PDE7B: variants seen among roughly 807,000 people sequenced by gnomAD.
The protein encoded by PDE7B is phosphodiesterase 7B.
Under a neutral mutation model 56.2 loss-of-function variants are expected in PDE7B, and 29 were observed. That is an observed-to-expected ratio of 0.52 (90% CI 0.38 to 0.70). The LOEUF (loss-of-function observed/expected upper bound fraction) is 0.70, where lower values mean the gene tolerates loss of function less well. Ranked by LOEUF, PDE7B falls within the 30% of genes least tolerant of loss-of-function variation. PDE7B has a pLI of 0.00. For synonymous variants in PDE7B, 197 were observed against 196.9 expected (o/e 1.00, Z 0.00); for missense variants, 490 against 565.0 (o/e 0.87, Z 1.35).
intron 1 of PDE7B, among the ~76,000 whole-genome samples, chr6:135,905,009 G>A (rs1377998189): frequency 3.9e-5 from 6 of 152,236 alleles, no homozygotes; most frequent in Non-Finnish European, 8.8e-5. Flanking sequence ...AAAGGCTCAT[G>A]TTTGGTTGGT....
At chr6:136,143,189 T>G (rs1227107329) in intron 3 of PDE7B, among the ~76,000 whole-genome samples, 1 of 152,056 alleles carries the variant, frequency 6.6e-6, no homozygotes, top group Non-Finnish European at 1.5e-5. Context: ...GTAAAGTATT[T>G]AATTACTGGG....
intron 1 of PDE7B, among the ~76,000 whole-genome samples, chr6:135,903,697 A>G (rs1776046112): frequency 6.6e-6 from 1 of 152,260 alleles, no homozygotes; most frequent in East Asian, 1.9e-4. Context: ...GAATTAAAAT[A>G]GCATCAAAAC....
intron 1 of PDE7B, among the ~76,000 whole-genome samples, chr6:135,896,929 T>G (rs569942667): frequency 2.0e-5 from 3 of 152,246 alleles, no homozygotes; most frequent in African/African-American, 4.8e-5. Context: ...TTATTTATGC[T>G]CTTTCCTCTG....
chr6:135,893,017 C>G (rs2027518), intron 1 of PDE7B, among the ~76,000 whole-genome samples: 70,641 of 151,838 alleles, frequency 0.47, 16,940 homozygotes, highest in East Asian at 0.7. Flanking sequence ...TTTTCTTGTT[C>G]TGTCTTCTTT....
intron 8 of PDE7B, among the ~76,000 whole-genome samples, chr6:136,172,587 C>T (rs1436284390): frequency 2.0e-5 from 3 of 152,026 alleles, no homozygotes; most frequent in Non-Finnish European, 2.9e-5. Context: ...TGTAGGTTGC[C>T]TGTTCACTCT....
At chr6:136,148,170 T>A in intron 4 of PDE7B, among the ~76,000 whole-genome samples, 1 of 152,052 alleles carries the variant, frequency 6.6e-6, no homozygotes, top group South Asian at 2.1e-4. Context: ...CTAAGTGATA[T>A]TATACTATTT....
rs1775838637 is a variant in PDE7B at position 136,008,972 on chromosome 6, A to T, written c.82+61448A>T. Among the ~76,000 whole-genome samples, 3 of 152,094 alleles carry T rather than the reference A, an allele frequency of 2.0e-5. No individual in the cohort carries two copies. The East Asian group carries it at 5.8e-4, about 29-fold the overall frequency. ...CTAGGGTTTTTATGGTTTTAGGTCT[A>T]ACATTTAAGTCTTTAATCCATCTTG... On this transcript the variant is annotated intron_variant, in intron 2 of 12. Coordinates refer to ENST00000308191, the MANE Select transcript of PDE7B (RefSeq NM_018945.4).
intron 2 of PDE7B, among the ~76,000 whole-genome samples, chr6:136,001,991 C>G (rs1249297913): frequency 2.0e-5 from 3 of 152,196 alleles, no homozygotes; most frequent in Non-Finnish European, 2.9e-5. Flanking sequence ...ATCAGACTAA[C>G]AGCGGATCTC....
intron 2 of PDE7B, among the ~76,000 whole-genome samples, chr6:136,056,593 G>A (rs985289178): frequency 2.1e-4 from 27 of 130,420 alleles, no homozygotes; most frequent in East Asian, 9.3e-4. Context: ...GTGCAATGGC[G>A]TGATCTTGGC....
intron 9 of PDE7B, among the ~76,000 whole-genome samples, chr6:136,176,497 T>G (rs1034736171): frequency 1.3e-5 from 2 of 152,146 alleles, no homozygotes; most frequent in Non-Finnish European, 2.9e-5. Flanking sequence ...AATTGCACAA[T>G]ATGAATGTAC....
chr6:136,108,600 C>T (rs1685265578), intron 2 of PDE7B, 131 bp from the exon 3 acceptor site: 1 of 699,188 alleles, frequency 1.4e-6, no homozygotes, highest in South Asian at 1.5e-5. Context: ...CCACATAGCA[C>T]TCTTCAGTAT....
intron 2 of PDE7B, among the ~76,000 whole-genome samples, chr6:136,036,825 G>A (rs1396105771): frequency 2.0e-5 from 3 of 152,196 alleles, no homozygotes; most frequent in Non-Finnish European, 4.4e-5. Context: ...TTGTTACAAT[G>A]TTCTCCAAGA....
chr6:135,852,560 T>C (rs1774959990), intron 1 of PDE7B, among the ~76,000 whole-genome samples: 2 of 152,152 alleles, frequency 1.3e-5, no homozygotes, highest in African/African-American at 2.4e-5. Context: ...AAAAAATCAA[T>C]AGAAGATGTC....
At chr6:136,002,937 C>T (rs1003170187) in intron 2 of PDE7B, among the ~76,000 whole-genome samples, 5 of 151,928 alleles carry the variant, frequency 3.3e-5, no homozygotes, top group African/African-American at 4.8e-5. Context: ...CCAAAATTGA[C>T]CACATACTTG....
chr6:135,931,893 C>T (rs1201564333), intron 1 of PDE7B, among the ~76,000 whole-genome samples: 1 of 151,746 alleles, frequency 6.6e-6, no homozygotes, highest in Middle Eastern at 3.2e-3. Context: ...AATGAGGTGG[C>T]GGGAGTGGGG....
chr6:135,865,292 T>G (rs1775233449), intron 1 of PDE7B, among the ~76,000 whole-genome samples: 1 of 152,090 alleles, frequency 6.6e-6, no homozygotes, highest in South Asian at 2.1e-4. Flanking sequence ...ATTTTGAAGA[T>G]TTTCTTTAGA....
intron 2 of PDE7B, among the ~76,000 whole-genome samples, chr6:136,058,469 G>T (rs17065257): frequency 6.6e-6 from 1 of 152,136 alleles, no homozygotes; most frequent in Non-Finnish European, 1.5e-5. Flanking sequence ...TGGGAATTCA[G>T]TAGCAAAGCA....
chr6:136,063,063 G>A (rs1009608147), intron 2 of PDE7B, among the ~76,000 whole-genome samples: 3 of 152,178 alleles, frequency 2.0e-5, no homozygotes, highest in Non-Finnish European at 2.9e-5. Flanking sequence ...ACCTTTAATT[G>A]AATATTTGCT....
chr6:135,908,519 A>G (rs1463310083), intron 1 of PDE7B, among the ~76,000 whole-genome samples: 6 of 152,220 alleles, frequency 3.9e-5, no homozygotes, highest in Non-Finnish European at 7.3e-5. Context: ...GTATCTGTAT[A>G]AAAATATTTA....
Sources: allele counts gnomAD v4.1 joint callset (sites outside exome capture counted in the v4.1 genomes callset), GRCh38; gene constraint gnomAD v4.1.1; transcripts MANE v1.5; gene names NCBI Gene and HGNC (gene_info 2026-07-23, HGNC 2026-07-21).